The following FANCC variants were observed in gnomAD, a reference collection of about 807,000 sequenced individuals.
FANCC encodes Fanconi anemia group C protein.
FANCC carries 55 observed loss-of-function variants against 71.3 expected under a neutral mutation model. The observed-to-expected ratio is 0.77, with a 90% confidence interval of 0.62 to 0.97. The LOEUF is 0.97. Among genes scored for constraint, FANCC ranks in the 50% least tolerant of loss-of-function variants. The probability of loss-of-function intolerance (pLI) is 0.00; values close to 1 mark genes in which losing one functional copy is unlikely to be tolerated. For synonymous variants in FANCC, 275 were observed against 244.9 expected, an observed-to-expected ratio of 1.12 and a Z score of -1.15; for missense variants, 678 against 670.9, an observed-to-expected ratio of 1.01 and a Z score of -0.12.
At chr9:95,111,412 T>C in intron 13 of FANCC, 51 bp downstream of exon 13, 1 of 1,599,428 alleles carries the variant, frequency 6.3e-7, no homozygotes, top group South Asian at 1.1e-5. Flanking sequence ...CAAGCTCCTC[T>C]CAGCCCCCCA....
At chr9:95,177,953 G>T (rs1427998838) in intron 4 of FANCC, among the ~76,000 whole-genome samples, 1 of 152,174 alleles carries the variant, frequency 6.6e-6, no homozygotes, top group Non-Finnish European at 1.5e-5. Flanking sequence ...GGGGATCGGG[G>T]AGCCGTTCAG....
chr9:95,266,171 C>A (rs1446515877), intron 1 of FANCC, among the ~76,000 whole-genome samples: 1 of 152,190 alleles, frequency 6.6e-6, no homozygotes, highest in African/African-American at 2.4e-5. Context: ...TATCTAAAGT[C>A]ATTCTTCTTA....
Position 95,135,483 on chromosome 9 carries a change from T to A in FANCC, c.706A>T (p.Met236Leu). ...AILLKKISLP[M>L]SAVVCLWLRH... ...AGCCAGAGGCAGACTACAGCTGACATGGGGAGAGAAATCTTCTTCCTTTCA... is the reference window on the plus strand; with the variant it reads ...AGCCAGAGGCAGACTACAGCTGACAAGGGGAGAGAAATCTTCTTCCTTTCA... The change falls in exon 8 of 15, where the codon ATG (methionine) becomes TTG (leucine). Residue 236 changes from methionine to leucine, a missense_variant. Transcript: ENST00000289081. The A allele has an allele frequency of 6.2e-7, 1 of 1,613,988 alleles. No homozygotes were observed. Among genetic ancestry groups the A allele is most frequent in the Non-Finnish European group, 8.5e-7 (1 of 1,179,996 alleles).
At chr9:95,291,334 TA>T (rs907579809) in intron 1 of FANCC, among the ~76,000 whole-genome samples, 18 of 150,718 alleles carry the variant, frequency 1.2e-4, no homozygotes, top group Admixed American at 3.3e-4. Flanking sequence ...CAAATTCCAC[TA>T]AAAAAAAACT....
chr9:95,273,239 C>A (rs532837217), intron 1 of FANCC, among the ~76,000 whole-genome samples: 1 of 152,234 alleles, frequency 6.6e-6, no homozygotes, highest in African/African-American at 2.4e-5. Flanking sequence ...TGAAGGGTAC[C>A]CCAACATGTA....
intron 4 of FANCC, among the ~76,000 whole-genome samples, chr9:95,181,915 G>A (rs565757023): frequency 6.6e-6 from 1 of 152,272 alleles, no homozygotes; most frequent in South Asian, 2.1e-4. Context: ...CTTGCTTTTG[G>A]GTGCTGTTAG....
intron 4 of FANCC, among the ~76,000 whole-genome samples, chr9:95,200,844 C>T (rs970452635): frequency 6.6e-6 from 1 of 152,092 alleles, no homozygotes; most frequent in African/African-American, 2.4e-5. Flanking sequence ...ATATACTCAC[C>T]TAAGGAATAA....
At chr9:95,166,664 G>C (rs1831086159) in intron 6 of FANCC, among the ~76,000 whole-genome samples, 1 of 152,056 alleles carries the variant, frequency 6.6e-6, no homozygotes, top group Admixed American at 6.6e-5. Flanking sequence ...TGTATCCATG[G>C]ATTCAACTAA....
chr9:95,304,894 C>A (rs1467371462), intron 1 of FANCC, among the ~76,000 whole-genome samples: 1 of 151,918 alleles, frequency 6.6e-6, no homozygotes, highest in Non-Finnish European at 1.5e-5. Context: ...CAACTATGTG[C>A]TTCCACAGTT....
At chr9:95,106,103 C>T (rs952846261) in intron 14 of FANCC, among the ~76,000 whole-genome samples, 2 of 152,176 alleles carry the variant, frequency 1.3e-5, no homozygotes, top group African/African-American at 2.4e-5. Context: ...ATGAGTGTTC[C>T]GGTTCCCACG....
intron 1 of FANCC, among the ~76,000 whole-genome samples, chr9:95,257,129 G>A (rs997454629): frequency 2.0e-5 from 3 of 152,186 alleles, no homozygotes; most frequent in Non-Finnish European, 4.4e-5. Context: ...AGATCAACGA[G>A]ACAGAAAATT....
intron 1 of FANCC, among the ~76,000 whole-genome samples, chr9:95,306,353 G>A (rs1232063749): frequency 6.6e-6 from 1 of 152,078 alleles, no homozygotes; most frequent in African/African-American, 2.4e-5. Flanking sequence ...GGGTTTCAGG[G>A]CACATTACCA....
intron 1 of FANCC, chr9:95,293,948 T>C (rs1834220097): frequency 6.3e-6 from 10 of 1,586,602 alleles, no homozygotes; most frequent in Admixed American, 3.3e-5. Flanking sequence ...AGCAACAGTT[T>C]AGTAGCAGAG....
intron 1 of FANCC, among the ~76,000 whole-genome samples, chr9:95,278,794 A>ATTAGGCGAGCATAAGTCTGAAAC (rs141077292): frequency 6.6e-6 from 1 of 151,730 alleles, no homozygotes; most frequent in Non-Finnish European, 1.5e-5. Context: ...TATCACGGTA[A>ATTAGGCGAGCATAAGTCTGAAAC]TTATTCTACG....
chr9:95,305,586 G>A (rs564687074), intron 1 of FANCC, among the ~76,000 whole-genome samples: 17 of 151,930 alleles, frequency 1.1e-4, no homozygotes, highest in Non-Finnish European at 2.4e-4. Context: ...TTTTTTAATT[G>A]AACAATGCAA....
At chr9:95,265,020 G>A (rs1380192489) in intron 1 of FANCC, among the ~76,000 whole-genome samples, 2 of 134,568 alleles carry the variant, frequency 1.5e-5, no homozygotes, top group African/African-American at 5.6e-5. Context: ...AAAGATTCTT[G>A]TTCCCATTAA....
At chr9:95,200,544 G>A (rs1827743397) in intron 4 of FANCC, among the ~76,000 whole-genome samples, 2 of 152,182 alleles carry the variant, frequency 1.3e-5, no homozygotes, top group Non-Finnish European at 2.9e-5. Flanking sequence ...TCAGGGATGT[G>A]AGGACTTGAT....
chr9:95,147,058 T>C (rs545920262), intron 7 of FANCC, among the ~76,000 whole-genome samples: 83 of 150,454 alleles, frequency 5.5e-4, no homozygotes, highest in Middle Eastern at 3.5e-3. Context: ...ATTTTACTTA[T>C]ATATTTTAAT....
intron 7 of FANCC, chr9:95,145,392 T>C (rs956363977): frequency 1.3e-5 from 2 of 152,152 alleles, no homozygotes; most frequent in African/African-American, 2.4e-5. Flanking sequence ...GCTTAACAAA[T>C]GGTAAAACGT....
Sources: gnomAD v4.1 joint callset for allele counts (sites outside exome capture counted in the v4.1 genomes callset) on GRCh38, gnomAD v4.1.1 for gene constraint, MANE v1.5 for transcripts, NCBI Gene and HGNC (gene_info 2026-07-23, HGNC 2026-07-21) for gene names.